The following CNTNAP2 variants were observed in gnomAD, a reference collection of about 807,000 sequenced individuals.
CNTNAP2 encodes the protein contactin associated protein 2.
A neutral mutation model predicts 155.2 loss-of-function variants in CNTNAP2; 98 were observed. The ratio of observed to expected loss-of-function variants is 0.63; its 90% CI spans 0.54 to 0.75. CNTNAP2 has a LOEUF of 0.75. CNTNAP2 is among the 30% of genes least tolerant of loss of function. CNTNAP2 has a pLI of 0.00. For missense variants in CNTNAP2, 1,727 were observed against 1,688.1 expected, an observed-to-expected ratio of 1.02 and a Z score of -0.40; for synonymous variants, 651 against 631.2, an observed-to-expected ratio of 1.03 and a Z score of -0.47.
chr7:146,309,459 C>A (rs1474123165), intron 1 of CNTNAP2, among the ~76,000 whole-genome samples: 1 of 152,112 alleles, frequency 6.6e-6, no homozygotes, highest in Non-Finnish European at 1.5e-5. Context: ...AAAGCCATTT[C>A]ACGGGCCTTC....
At chr7:146,249,820 T>C (rs1215267759) in intron 1 of CNTNAP2, among the ~76,000 whole-genome samples, 3 of 152,114 alleles carry the variant, frequency 2.0e-5, no homozygotes, top group African/African-American at 4.8e-5. Flanking sequence ...GTTCATTAGA[T>C]TAGAAATGTC....
intron 1 of CNTNAP2, among the ~76,000 whole-genome samples, chr7:146,555,280 G>A (rs886802393): frequency 2.0e-5 from 3 of 152,084 alleles, no homozygotes; most frequent in Non-Finnish European, 4.4e-5. Flanking sequence ...CCCCTACCTT[G>A]AAAAGAAACC....
intron 9 of CNTNAP2, 33 bp from the exon 10 acceptor site, chr7:147,395,576 C>A: frequency 6.2e-7 from 1 of 1,607,216 alleles, no homozygotes; most frequent in Non-Finnish European, 8.5e-7. Flanking sequence ...TACTGTACAC[C>A]AGATTTACAT....
intron 15 of CNTNAP2, among the ~76,000 whole-genome samples, chr7:147,981,551 C>T (rs73464281): frequency 0.058 from 8,766 of 152,244 alleles, 349 homozygotes; most frequent in South Asian, 0.13. Flanking sequence ...GAACCTGCCT[C>T]TTGAATTAGG....
chr7:146,352,833 C>G (rs534658472), intron 1 of CNTNAP2, among the ~76,000 whole-genome samples: 1 of 139,644 alleles, frequency 7.2e-6, no homozygotes. Context: ...CGGCTCACTG[C>G]AAGCTCCGCC....
At chr7:146,874,339 A>T (rs1025720493) in intron 3 of CNTNAP2, among the ~76,000 whole-genome samples, 1 of 151,898 alleles carries the variant, frequency 6.6e-6, no homozygotes, top group African/African-American at 2.4e-5. Context: ...TTTTATTTTT[A>T]TTTTATTTTA....
intron 5 of CNTNAP2, among the ~76,000 whole-genome samples, chr7:147,111,246 C>A (rs1411806991): frequency 6.6e-6 from 1 of 151,942 alleles, no homozygotes. Context: ...AATTTAAGTT[C>A]CTTGCAGAAG....
At chr7:146,312,651 T>C (rs147940075) in intron 1 of CNTNAP2, among the ~76,000 whole-genome samples, 205 of 152,268 alleles carry the variant, frequency 1.3e-3, no homozygotes, top group Middle Eastern at 3.4e-3. Flanking sequence ...TACAATGCAT[T>C]ACATCACTAA....
chr7:148,029,159 T>C (rs531596262), intron 15 of CNTNAP2, among the ~76,000 whole-genome samples: 1 of 152,310 alleles, frequency 6.6e-6, no homozygotes, highest in Non-Finnish European at 1.5e-5. Context: ...CCATTCTATC[T>C]ACTGCATTCG....
chr7:147,704,151 C>G (rs780659677), intron 13 of CNTNAP2: 2 of 152,130 alleles, frequency 1.3e-5, no homozygotes, highest in Admixed American at 6.6e-5. Flanking sequence ...TTCTCAATGA[C>G]TCTAGAGAAA....
chr7:148,355,114 A>T (rs1406761960), intron 21 of CNTNAP2, among the ~76,000 whole-genome samples: 1 of 145,458 alleles, frequency 6.9e-6, no homozygotes, highest in East Asian at 2.1e-4. Flanking sequence ...GTGATTCCTG[A>T]CTTACAGAAT....
intron 10 of CNTNAP2, among the ~76,000 whole-genome samples, chr7:147,421,652 T>TA (rs1477032857): frequency 6.6e-6 from 1 of 150,464 alleles, no homozygotes. Context: ...TATACATCTA[T>TA]AGATATTGAT....
Position 147,461,360 on chromosome 7 carries a change from A to G in CNTNAP2, c.1671-24575A>G, listed in dbSNP as rs555669555. Among the ~76,000 whole-genome samples, 4 of 152,332 alleles carry G rather than the reference A, an allele frequency of 2.6e-5. No individual in the cohort carries two copies. In the East Asian group the frequency reaches 7.7e-4, roughly 29 times the overall value. On this transcript the variant is annotated intron_variant, in intron 10 of 23. Transcript: ENST00000361727. Reference sequence around the variant, plus strand: ...GGTTTCAAAAAATGCTAATGCTGTAATAATTTGAAGAGAATAAAAGTAGGA... The same window carrying G: ...GGTTTCAAAAAATGCTAATGCTGTAGTAATTTGAAGAGAATAAAAGTAGGA...
At chr7:148,152,159 G>T (rs1226665851) in intron 17 of CNTNAP2, among the ~76,000 whole-genome samples, 1 of 151,984 alleles carries the variant, frequency 6.6e-6, no homozygotes, top group African/African-American at 2.4e-5. Context: ...AATTCACTGA[G>T]ACAATGTTAT....
intron 13 of CNTNAP2, among the ~76,000 whole-genome samples, chr7:147,848,177 C>G (rs1304156591): frequency 7.3e-6 from 1 of 137,672 alleles, no homozygotes; most frequent in Non-Finnish European, 1.6e-5. Flanking sequence ...TGGGCAATGG[C>G]GGGCGCCCCT....
At chr7:146,254,804 GAT>G (rs1241997170) in intron 1 of CNTNAP2, among the ~76,000 whole-genome samples, 1 of 152,078 alleles carries the variant, frequency 6.6e-6, no homozygotes, top group East Asian at 1.9e-4. Flanking sequence ...GAGTTTCAGT[GAT>G]TTGTCTTGTA....
rs1230159335 is a variant in CNTNAP2, at chr7:146,685,231, G to A, written c.98-89040G>A. 3.9e-5 allele frequency among the ~76,000 whole-genome samples: 6 copies of A among 152,208 alleles called. No individual in the cohort carries two copies. In the East Asian group the frequency reaches 9.7e-4, roughly 25 times the overall value. ...GCCAAGCTGTATCCACTATCATGCC[G>A]ATTTCAAAGGATAGCATGGTATTGT... On this transcript the variant is annotated intron_variant, in intron 1 of 23. Coordinates refer to ENST00000361727, the MANE Select transcript of CNTNAP2 (RefSeq NM_014141.6).
At chr7:147,666,802 A>G (rs532788895) in intron 13 of CNTNAP2, among the ~76,000 whole-genome samples, 1 of 152,366 alleles carries the variant, frequency 6.6e-6, no homozygotes, top group South Asian at 2.1e-4. Context: ...AAGAGGTACA[A>G]AGATGGAAAA....
chr7:147,015,422 C>T (rs1434726364), intron 3 of CNTNAP2, among the ~76,000 whole-genome samples: 2 of 151,986 alleles, frequency 1.3e-5, no homozygotes, highest in African/African-American at 4.8e-5. Flanking sequence ...AACATGCTGG[C>T]ATCATCCAAA....
Sources: gnomAD v4.1 joint callset for allele counts (sites outside exome capture counted in the v4.1 genomes callset) on GRCh38, gnomAD v4.1.1 for gene constraint, MANE v1.5 for transcripts, NCBI Gene and HGNC (gene_info 2026-07-23, HGNC 2026-07-21) for gene names.